The following APCDD1L variants were observed in gnomAD, a reference collection of about 807,000 sequenced individuals.
The protein encoded by APCDD1L is APC down-regulated 1 like, also known as protein APCDD1-like.
A neutral mutation model predicts 24.2 loss-of-function variants in APCDD1L; 21 were observed. The observed-to-expected ratio is 0.87, with a 90% confidence interval of 0.61 to 1.25. APCDD1L has a LOEUF of 1.25. APCDD1L is among the 50% of genes most tolerant of loss of function. The pLI is 0.00. For synonymous variants in APCDD1L, 321 were observed against 323.6 expected, an observed-to-expected ratio of 0.99 and a Z score of 0.09; for missense variants, 704 against 711.7, an observed-to-expected ratio of 0.99 and a Z score of 0.12.
intron 1 of APCDD1L, among the ~76,000 whole-genome samples, chr20:58,512,913 C>CG (rs1036005313): frequency 6.0e-4 from 91 of 152,120 alleles, no homozygotes; most frequent in Admixed American, 2.1e-3. Flanking sequence ...GTCAGGCCCC[C>CG]GGGCACTCTT....
rs1258861587 is a variant in APCDD1L, at chr20:58,467,345, A to C, written c.502T>G (p.Trp168Gly). The change falls in exon 3 of 4, where the codon TGG becomes GGG. Residue 168 changes from tryptophan (W) to glycine (G), a missense_variant. Trp to Gly is a radical substitution (Grantham distance 184). Coordinates refer to ENST00000371149, the MANE Select transcript of APCDD1L (RefSeq NM_153360.3). This position sits in a 1 kb window ranked among gnomAD's most constrained non-coding sequence, Gnocchi z 5.9. The stretch of plus-strand genomic sequence containing the variant: ...AGCTCGTACAGCGCCCCAGGCAGCC[A>C]GGCCCGGGCCGGAGGCAGCCGCCGC... Reference protein sequence around the residue: ...CARRLPPARAWLPGALYELRS... With the variant: ...CARRLPPARAGLPGALYELRS... 1.3e-6 allele frequency: 2 copies of C among 1,485,232 alleles called. No individual in the cohort carries two copies. The highest frequency in any genetic ancestry group is 1.8e-6 in the Non-Finnish European group (2 of 1,126,424). The allele number at this position is 1,485,232 out of a possible 1,614,324, so 92.0% of individuals were successfully genotyped here. A position where few individuals can be genotyped will look rare whatever the true frequency, so the allele number is the denominator to read the frequency against.
intron 1 of APCDD1L, among the ~76,000 whole-genome samples, chr20:58,513,133 T>C (rs749209): frequency 0.51 from 77,789 of 152,012 alleles, 21,144 homozygotes; most frequent in Admixed American, 0.61. Flanking sequence ...CTCTAGACTG[T>C]TCCATTCCCA....
intron 1 of APCDD1L, among the ~76,000 whole-genome samples, chr20:58,490,890 G>A (rs909854822): frequency 3.3e-5 from 5 of 152,202 alleles, no homozygotes; most frequent in South Asian, 4.1e-4. Context: ...GGTTGTGAAA[G>A]TCGTAAGTAA....
chr20:58,504,137 A>G (rs1353035581), intron 1 of APCDD1L, among the ~76,000 whole-genome samples: 1 of 152,220 alleles, frequency 6.6e-6, no homozygotes, highest in African/African-American at 2.4e-5. Context: ...TGTTTCTAGC[A>G]GAGAAGGACT....
intron 1 of APCDD1L, among the ~76,000 whole-genome samples, chr20:58,506,235 T>G (rs1019078006): frequency 5.3e-5 from 8 of 152,130 alleles, no homozygotes; most frequent in Non-Finnish European, 1.2e-4. Context: ...AATTTGGGCT[T>G]CTCACCTCTT....
At chr20:58,505,446 T>C (rs1010757884) in intron 1 of APCDD1L, among the ~76,000 whole-genome samples, 1 of 152,216 alleles carries the variant, frequency 6.6e-6, no homozygotes, top group Non-Finnish European at 1.5e-5. Flanking sequence ...ATTTTTTATG[T>C]ATGCATAATT....
At chr20:58,466,125 C>CAAAA (rs35123325) in intron 3 of APCDD1L, among the ~76,000 whole-genome samples, 16,392 of 119,910 alleles carry the variant, frequency 0.14, 1,474 homozygotes, top group Non-Finnish European at 0.18. Context: ...GCTCATCTGG[C>CAAAA]AAAAAAAAAA....
chr20:58,474,445 T>C (rs944625217), intron 1 of APCDD1L, among the ~76,000 whole-genome samples: 1 of 152,242 alleles, frequency 6.6e-6, no homozygotes, highest in Admixed American at 6.5e-5. Context: ...GGCTCACACC[T>C]GTAATCCCAG....
intron 1 of APCDD1L, chr20:58,513,837 A>G: frequency 7.9e-7 from 1 of 1,261,100 alleles, no homozygotes; most frequent in Non-Finnish European, 1.1e-6. Context: ...ACGGGTTGAT[A>G]TGATGTTGAT....
At position 58,461,644 on chromosome 20, in the gene APCDD1L, T is replaced by C; in HGVS notation, c.742-90A>G. 6 of 1,291,100 alleles carry C rather than the reference T, an allele frequency of 4.6e-6. No homozygotes were observed. Among genetic ancestry groups the C allele is most frequent in the Non-Finnish European group, 6.0e-6 (6 of 1,002,582 alleles). The allele number at this position is 1,291,100 out of a possible 1,614,324, so 80.0% of individuals were successfully genotyped here. ...AAGGAACCCCAGCTCTGTAGGGGTG[T>C]CAAGGCAGGGTGAGGTGCGGCCTGT... On this transcript the variant is annotated intron_variant, in intron 3 of 3. Coordinates refer to ENST00000371149, the MANE Select transcript of APCDD1L (RefSeq NM_153360.3). This position sits in a 1 kb window ranked among gnomAD's most constrained non-coding sequence, Gnocchi z 6.0.
chr20:58,505,516 C>T (rs983791702), intron 1 of APCDD1L, among the ~76,000 whole-genome samples: 1 of 152,164 alleles, frequency 6.6e-6, no homozygotes, highest in Non-Finnish European at 1.5e-5. Flanking sequence ...GGCCTCCTGA[C>T]CTCCCTTCCC....
At chr20:58,512,510 A>G (rs901802288) in intron 1 of APCDD1L, among the ~76,000 whole-genome samples, 4 of 152,114 alleles carry the variant, frequency 2.6e-5, no homozygotes, top group Non-Finnish European at 5.9e-5. Flanking sequence ...CTCATCCCCA[A>G]CAAAGAATCC....
At position 58,460,519 on chromosome 20, in the gene APCDD1L, G is replaced by T. The variant is rs1345368201; in HGVS notation, c.*271C>A. On this transcript the variant is annotated 3_prime_UTR_variant, in exon 4 of 4. Transcript: ENST00000371149. The surrounding 1 kb of genome is among the most constrained non-coding windows in gnomAD (Gnocchi z 4.2). The stretch of plus-strand genomic sequence containing the variant: ...GATGAGGAAAGTAGAAAAATTGGGA[G>T]TGATCTTTAGAAACTCACGTAGCGA... The T allele has an allele frequency of 4.1e-5, 14 of 344,422 alleles. No individual in the cohort carries two copies. In the East Asian group the frequency reaches 6.4e-4, roughly 16 times the overall value. 21.3% of individuals were successfully genotyped at this position (344,422 alleles called of 1,614,324 possible).
chr20:58,466,626 TGTGAA>T (rs1320372573), intron 3 of APCDD1L, among the ~76,000 whole-genome samples: 2 of 152,206 alleles, frequency 1.3e-5, no homozygotes, highest in African/African-American at 4.8e-5. Context: ...GCCCCACCCT[TGTGAA>T]GGACCTAGCG....
intron 1 of APCDD1L, among the ~76,000 whole-genome samples, chr20:58,499,453 A>G (rs1268806559): frequency 6.6e-6 from 1 of 151,946 alleles, no homozygotes; most frequent in African/African-American, 2.4e-5. Flanking sequence ...TCCTGCAATA[A>G]CCCTCAGCCT....
At chr20:58,462,225 T>G (rs752503114) in intron 3 of APCDD1L, among the ~76,000 whole-genome samples, 124 of 152,310 alleles carry the variant, frequency 8.1e-4, no homozygotes, top group Non-Finnish European at 1.5e-3. Flanking sequence ...CTCACTCTTC[T>G]AGGTGTTTCA....
At chr20:58,512,135 G>A (rs541691832) in intron 1 of APCDD1L, among the ~76,000 whole-genome samples, 7 of 152,310 alleles carry the variant, frequency 4.6e-5, no homozygotes, top group African/African-American at 1.4e-4. Context: ...GCCGCCATGC[G>A]GACATGTTCA....
Position 58,495,748 on chromosome 20 carries a change from C to T in APCDD1L, c.49+18911G>A, listed in dbSNP as rs562852884. Among the ~76,000 whole-genome samples the T allele has an allele frequency of 4.1e-4, 62 of 152,244 alleles. 2 individuals carry two copies. The highest frequency in any genetic ancestry group is 1.5e-3 in the African/African-American group (62 of 41,544). ...GGTCGCACACACATGAAGGTGTGACCCATGCCATCACCACCTCCTGTAGCA... is the reference window on the plus strand; with the variant it reads ...GGTCGCACACACATGAAGGTGTGACTCATGCCATCACCACCTCCTGTAGCA... On this transcript the variant is annotated intron_variant, in intron 1 of 3. Transcript: ENST00000371149.
chr20:58,474,546 G>A (rs888820698), intron 1 of APCDD1L, among the ~76,000 whole-genome samples: 3 of 151,970 alleles, frequency 2.0e-5, no homozygotes, highest in African/African-American at 7.3e-5. Context: ...TATACTAAAA[G>A]TACAAAAACT....
Sources: allele counts gnomAD v4.1 joint callset (sites outside exome capture counted in the v4.1 genomes callset), GRCh38; gene constraint gnomAD v4.1.1; non-coding constraint Gnocchi (gnomAD v3.1); transcripts MANE v1.5; gene names NCBI Gene and HGNC (gene_info 2026-07-23, HGNC 2026-07-21).